Variants in DSG2 observed in about 807,000 individuals in gnomAD.
DSG2 encodes the protein desmoglein-2.
In DSG2, 45 loss-of-function variants were observed where a neutral mutation model predicts 75.6. That is an observed-to-expected ratio of 0.60 (90% CI 0.47 to 0.76). The LOEUF (loss-of-function observed/expected upper bound fraction) is 0.76. DSG2 is among the 30% of genes least tolerant of loss of function. The pLI is 0.00. For missense variants in DSG2, 1,267 were observed against 1,357.4 expected, an observed-to-expected ratio of 0.93 and a Z score of 1.05; for synonymous variants, 429 against 483.9, an observed-to-expected ratio of 0.89 and a Z score of 1.49.
chr18:31,521,143 AC>A lies in DSG2; in HGVS notation c.426del (p.Leu143Ter). 2 of 1,613,916 alleles carry A rather than the reference AC, an allele frequency of 1.2e-6. No individual in the cohort carries two copies. The highest frequency in any genetic ancestry group is 1.7e-6 in the Non-Finnish European group (2 of 1,179,940). ...LDARGNNVEK[P>X]LELRIKVLDI... ...ATGCAAGAGGAAACAATGTAGAGAA[AC>A]CCTTAGAGCTACGCATTAAGGTTCT... On this transcript the variant is annotated frameshift_variant, in exon 5 of 15. Transcript: ENST00000261590. LOFTEE classifies it high-confidence loss of function.
intron 1 of DSG2, among the ~76,000 whole-genome samples, chr18:31,517,469 A>C (rs1178010339): frequency 6.6e-6 from 1 of 152,226 alleles, no homozygotes; most frequent in African/African-American, 2.4e-5. Context: ...TGAAAAGACA[A>C]GTATTTAAGG....
intron 1 of DSG2, among the ~76,000 whole-genome samples, chr18:31,511,066 T>C (rs2073063679): frequency 6.6e-6 from 1 of 152,214 alleles, no homozygotes; most frequent in South Asian, 2.1e-4. Flanking sequence ...TCCAGTCATG[T>C]TACTTGCAGT....
At chr18:31,516,310 C>T (rs73416251) in intron 1 of DSG2, among the ~76,000 whole-genome samples, 4,088 of 152,022 alleles carry the variant, frequency 0.027, 196 homozygotes, top group African/African-American at 0.092. Flanking sequence ...AGCACACAAA[C>T]GATGGTTTGC....
chr18:31,504,282 T>A (rs1417960777), intron 1 of DSG2, among the ~76,000 whole-genome samples: 1 of 152,202 alleles, frequency 6.6e-6, no homozygotes, highest in Non-Finnish European at 1.5e-5. Flanking sequence ...CCCACCACTC[T>A]TTCAAGCCCC....
chr18:31,543,034 C>T (rs1464509472), intron 14 of DSG2, 182 bp downstream of exon 14: 3 of 547,072 alleles, frequency 5.5e-6, no homozygotes. Context: ...CAGAATCAGT[C>T]GGTGTTAGCT....
intron 8 of DSG2, among the ~76,000 whole-genome samples, chr18:31,526,950 A>G (rs1409851988): frequency 6.6e-6 from 1 of 152,170 alleles, no homozygotes; most frequent in East Asian, 1.9e-4. Context: ...TTGGAGAAAG[A>G]AAGTTTCATT....
intron 13 of DSG2, chr18:31,542,200 A>C: frequency 7.8e-6 from 3 of 384,556 alleles, no homozygotes; most frequent in East Asian, 5.8e-5. Flanking sequence ...AAACAAAGTT[A>C]AGAATTCTGT....
At chr18:31,538,602 A>T in intron 11 of DSG2, 149 bp from the exon 12 acceptor site, 1 of 767,214 alleles carries the variant, frequency 1.3e-6, no homozygotes, top group Non-Finnish European at 2.3e-6. Context: ...GACAAATTTT[A>T]ATGAGCACAC....
At chr18:31,533,768 G>A (rs1356693045) in intron 9 of DSG2, among the ~76,000 whole-genome samples, 1 of 152,140 alleles carries the variant, frequency 6.6e-6, no homozygotes, top group African/African-American at 2.4e-5. Flanking sequence ...GCAGTATTAA[G>A]AGGCAGAAAA....
chr18:31,523,801 A>G (rs1295060990), intron 6 of DSG2, among the ~76,000 whole-genome samples: 1 of 152,232 alleles, frequency 6.6e-6, no homozygotes, highest in Non-Finnish European at 1.5e-5. Context: ...ACAGTCAGTA[A>G]GTGACGATGC....
At chr18:31,514,546 T>C (rs1211413779) in intron 1 of DSG2, among the ~76,000 whole-genome samples, 1 of 152,230 alleles carries the variant, frequency 6.6e-6, no homozygotes, top group Admixed American at 6.5e-5. Flanking sequence ...GCAGACTTCA[T>C]TGACTGTTGT....
rs1159708989 is a variant in DSG2, at chr18:31,512,323, T to G, written c.46-5916T>G. ...GTCATCTATATTTGCCCTCATTCAT[T>G]CCATTCACAGGTCTCTGTTGCCTCT... On this transcript the variant is annotated intron_variant, in intron 1 of 14. Transcript: ENST00000261590. Among the ~76,000 whole-genome samples the G allele has an allele frequency of 7.9e-5, 12 of 152,332 alleles. No individual in the cohort carries two copies. In the East Asian group the frequency reaches 2.1e-3, roughly 27 times the overall value.
chr18:31,499,083 TTTTCTGTTTGTTTAAGG>T (rs1363166499), intron 1 of DSG2, among the ~76,000 whole-genome samples: 1 of 149,366 alleles, frequency 6.7e-6, no homozygotes, highest in Non-Finnish European at 1.5e-5. Context: ...AAACTGTTGG[TTTTCTGTTTGTTTAAGG>T]GGTTGCACGT....
At chr18:31,508,460 C>G (rs919708333) in intron 1 of DSG2, among the ~76,000 whole-genome samples, 1 of 151,962 alleles carries the variant, frequency 6.6e-6, no homozygotes, top group Non-Finnish European at 1.5e-5. Context: ...GTGGCGCCAT[C>G]TCGGCTCACT....
At chr18:31,499,639 C>T (rs72938877) in intron 1 of DSG2, among the ~76,000 whole-genome samples, 4,170 of 152,214 alleles carry the variant, frequency 0.027, 68 homozygotes, top group Middle Eastern at 0.065. Flanking sequence ...AATCCTGTCA[C>T]CTTGATGTTT....
chr18:31,531,378 C>A, intron 9 of DSG2, 126 bp downstream of exon 9: 1 of 1,192,324 alleles, frequency 8.4e-7, no homozygotes, highest in Non-Finnish European at 1.2e-6. Flanking sequence ...CAAAGGTCTA[C>A]AAGTTAAATT....
chr18:31,504,513 C>G (rs935249518), intron 1 of DSG2, among the ~76,000 whole-genome samples: 3 of 152,110 alleles, frequency 2.0e-5, no homozygotes, highest in Admixed American at 1.3e-4. Flanking sequence ...TTACAGGAAC[C>G]TGCAGTGCTT....
chr18:31,524,010 A>G (rs941185365), intron 6 of DSG2, among the ~76,000 whole-genome samples: 3 of 152,250 alleles, frequency 2.0e-5, no homozygotes, highest in African/African-American at 4.8e-5. Flanking sequence ...GACACATACT[A>G]TAAGAATCAA....
chr18:31,506,236 C>A (rs2073038648), intron 1 of DSG2, among the ~76,000 whole-genome samples: 1 of 152,096 alleles, frequency 6.6e-6, no homozygotes, highest in African/African-American at 2.4e-5. Flanking sequence ...CGTGAATTCC[C>A]CTTACAGCAG....
Sources: allele counts gnomAD v4.1 joint callset (sites outside exome capture counted in the v4.1 genomes callset), GRCh38; gene constraint gnomAD v4.1.1; transcripts MANE v1.5; gene names NCBI Gene and HGNC (gene_info 2026-07-23, HGNC 2026-07-21).